The following KCNIP4 variants were observed in gnomAD, a reference collection of about 807,000 sequenced individuals.
KCNIP4 encodes potassium voltage-gated channel interacting protein 4, also known as Kv channel-interacting protein 4.
Under a neutral mutation model 34.0 loss-of-function variants are expected in KCNIP4, and 12 were observed. The observed-to-expected ratio is 0.35, with a 90% CI of 0.23 to 0.57. The LOEUF (loss-of-function observed/expected upper bound fraction) is 0.57, where lower values mean the gene tolerates loss of function less well. Among genes scored for constraint, KCNIP4 ranks in the 20% least tolerant of loss-of-function variants. KCNIP4 has a pLI of 0.83. For missense variants in KCNIP4, 238 were observed against 311.7 expected (o/e 0.76, Z 1.78); for synonymous variants, 124 against 102.2 (o/e 1.21, Z -1.29).
Position 20,756,915 on chromosome 4 carries a change from T to TC in KCNIP4, c.358+1905dup, listed in dbSNP as rs549300240. On this transcript the variant is annotated intron_variant, in intron 4 of 8. Coordinates refer to ENST00000382152, the MANE Select transcript of KCNIP4 (RefSeq NM_025221.6). ...CATGGAGCTTGCAACCTTTTATAAT[T>TC]CCCCCAGTAACCTCATCTACATCAT... 5.9e-5 allele frequency among the ~76,000 whole-genome samples: 9 copies of TC among 152,052 alleles called. No individual in the cohort carries two copies. The South Asian group carries it at 1.9e-3, about 32-fold the overall frequency.
chr4:20,941,343 A>T (rs1731619647), intron 1 of KCNIP4, among the ~76,000 whole-genome samples: 1 of 152,220 alleles, frequency 6.6e-6, no homozygotes. Context: ...CCTTGACTAT[A>T]TGAAAGAAAT....
At chr4:21,765,135 C>T (rs1420665618) in intron 1 of KCNIP4, among the ~76,000 whole-genome samples, 4 of 148,182 alleles carry the variant, frequency 2.7e-5, no homozygotes, top group Non-Finnish European at 5.9e-5. Flanking sequence ...GGCTTTTTGT[C>T]ATTGTTTTAT....
At chr4:20,897,793 T>G (rs1372805209) in intron 1 of KCNIP4, among the ~76,000 whole-genome samples, 1 of 152,192 alleles carries the variant, frequency 6.6e-6, no homozygotes, top group African/African-American at 2.4e-5. Flanking sequence ...GGAGATCTGA[T>G]CTTGGATGTC....
intron 1 of KCNIP4, among the ~76,000 whole-genome samples, chr4:21,420,695 A>G (rs765779079): frequency 1.9e-4 from 29 of 152,218 alleles, no homozygotes; most frequent in Non-Finnish European, 2.9e-4. Context: ...AAACTACTAG[A>G]AGAAAACATA....
At chr4:20,808,175 C>G (rs1184450149) in intron 3 of KCNIP4, among the ~76,000 whole-genome samples, 1 of 152,142 alleles carries the variant, frequency 6.6e-6, no homozygotes, top group African/African-American at 2.4e-5. Flanking sequence ...TAAAGGTCAG[C>G]TTTTCTATGT....
intron 1 of KCNIP4, among the ~76,000 whole-genome samples, chr4:21,459,212 T>C (rs1432710844): frequency 2.0e-5 from 3 of 152,066 alleles, no homozygotes; most frequent in Non-Finnish European, 4.4e-5. Context: ...TTCACCTTTG[T>C]ACTCATAAAA....
At chr4:21,870,993 G>C (rs1416330362) in intron 1 of KCNIP4, among the ~76,000 whole-genome samples, 1 of 151,752 alleles carries the variant, frequency 6.6e-6, no homozygotes, top group Non-Finnish European at 1.5e-5. Flanking sequence ...AGGAAAAAAA[G>C]AATAGACAGA....
chr4:21,880,170 T>C (rs1284378175), intron 1 of KCNIP4, among the ~76,000 whole-genome samples: 1 of 152,194 alleles, frequency 6.6e-6, no homozygotes, highest in African/African-American at 2.4e-5. Context: ...GGGAGACTTT[T>C]GTCATGCTAT....
At chr4:21,810,235 G>A (rs913209666) in intron 1 of KCNIP4, among the ~76,000 whole-genome samples, 1 of 152,148 alleles carries the variant, frequency 6.6e-6, no homozygotes, top group Non-Finnish European at 1.5e-5. Context: ...ATCCTATCAA[G>A]TACATAAAAC....
At chr4:21,758,501 T>C (rs1717817697) in intron 1 of KCNIP4, among the ~76,000 whole-genome samples, 1 of 152,214 alleles carries the variant, frequency 6.6e-6, no homozygotes, top group Non-Finnish European at 1.5e-5. Context: ...GCATTTTCAC[T>C]TCCTGCAATC....
At chr4:21,533,764 G>A (rs1044841392) in intron 1 of KCNIP4, among the ~76,000 whole-genome samples, 1 of 152,082 alleles carries the variant, frequency 6.6e-6, no homozygotes, top group Non-Finnish European at 1.5e-5. Context: ...GAGGCTAGAC[G>A]ATGTAAAAGA....
chr4:21,679,742 G>A (rs1460340893), intron 1 of KCNIP4, among the ~76,000 whole-genome samples: 1 of 152,180 alleles, frequency 6.6e-6, no homozygotes. Flanking sequence ...ATTAAAGTGA[G>A]TCATACAAAT....
intron 1 of KCNIP4, among the ~76,000 whole-genome samples, chr4:21,121,240 C>T (rs1210091814): frequency 1.3e-5 from 2 of 152,154 alleles, no homozygotes; most frequent in East Asian, 3.9e-4. Context: ...TGTCCGGCCC[C>T]CTTATGCAGA....
intron 1 of KCNIP4, among the ~76,000 whole-genome samples, chr4:21,274,834 AG>A (rs1762344640): frequency 6.6e-6 from 1 of 152,154 alleles, no homozygotes; most frequent in Non-Finnish European, 1.5e-5. Flanking sequence ...AGTTTAGTAA[AG>A]AGGAGGGTAT....
At chr4:21,491,421 C>A (rs1335334075) in intron 1 of KCNIP4, among the ~76,000 whole-genome samples, 1 of 152,290 alleles carries the variant, frequency 6.6e-6, no homozygotes, top group South Asian at 2.1e-4. Flanking sequence ...GTTGCCCAGG[C>A]TGGAGTGCAA....
chr4:20,947,711 TAAC>T lies in KCNIP4; in HGVS notation c.62-65005_62-65003del, dbSNP rs542277204. Reference sequence around the variant, plus strand: ...CTTCTGAGATAAGGAGAATGAATCATAACAACAACAACAACAGTCAACACTGAC... The same window carrying T: ...CTTCTGAGATAAGGAGAATGAATCATAACAACAACAACAGTCAACACTGAC... On this transcript the variant is annotated intron_variant, in intron 1 of 8. Transcript: ENST00000382152. Among the ~76,000 whole-genome samples, 7 of 152,220 alleles carry T rather than the reference TAAC, an allele frequency of 4.6e-5. No individual in the cohort carries two copies. In the East Asian group the frequency reaches 9.6e-4, roughly 21 times the overall value.
intron 1 of KCNIP4, among the ~76,000 whole-genome samples, chr4:21,538,487 C>T (rs529698654): frequency 1.3e-5 from 2 of 152,248 alleles, no homozygotes; most frequent in East Asian, 3.9e-4. Flanking sequence ...TTCATTTTAA[C>T]TCCAGTGTGT....
At chr4:21,292,677 C>A (rs1763603524) in intron 1 of KCNIP4, among the ~76,000 whole-genome samples, 1 of 152,170 alleles carries the variant, frequency 6.6e-6, no homozygotes, top group African/African-American at 2.4e-5. Flanking sequence ...CCCCACCACA[C>A]AAATGCTTTT....
intron 1 of KCNIP4, among the ~76,000 whole-genome samples, chr4:21,705,644 G>A (rs1415062727): frequency 6.6e-6 from 1 of 152,060 alleles, no homozygotes; most frequent in Non-Finnish European, 1.5e-5. Flanking sequence ...GGAAGGGATG[G>A]CAGGGCATGT....
Sources: allele counts gnomAD v4.1 joint callset (sites outside exome capture counted in the v4.1 genomes callset), GRCh38; gene constraint gnomAD v4.1.1; transcripts MANE v1.5; gene names NCBI Gene and HGNC (gene_info 2026-07-23, HGNC 2026-07-21).